Variants in PCDH1 observed in about 807,000 individuals in gnomAD.
PCDH1 encodes protocadherin 1.
A neutral mutation model predicts 74.6 loss-of-function variants in PCDH1; 23 were observed. That is an observed-to-expected ratio of 0.31 (90% CI 0.22 to 0.44). The LOEUF is 0.44. Among genes scored for constraint, PCDH1 ranks in the 20% least tolerant of loss-of-function variants. The pLI is 1.00. For missense variants in PCDH1, 1,214 were observed against 1,641.4 expected, an observed-to-expected ratio of 0.74 and a Z score of 4.50; for synonymous variants, 647 against 686.1, an observed-to-expected ratio of 0.94 and a Z score of 0.89.
At position 141,863,490 on chromosome 5, in the gene PCDH1, C is replaced by G. The variant is rs763361262; in HGVS notation, c.2841G>C (p.Gly947=). 2.5e-6 allele frequency: 4 copies of G among 1,609,544 alleles called. No individual in the cohort carries two copies. Among genetic ancestry groups the G allele is most frequent in the East Asian group, 4.5e-5 (2 of 44,818 alleles). The part of the protein sequence containing the change: ...LKFNLMSDAP[G]DSPRIHLPLN... ...GGGGCAGGTGGATGCGGGGACTGTC[C>G]CCAGGGGCATCGCTCATCAGGTTGA... Residue 947 remains glycine, a synonymous_variant, in exon 3 of 5, where the codon GGG becomes GGC. Transcript: ENST00000287008. This position sits in a 1 kb window ranked among gnomAD's most constrained non-coding sequence, Gnocchi z 7.5.
intron 3 of PCDH1, among the ~76,000 whole-genome samples, chr5:141,860,895 C>T (rs1039647879): frequency 1.3e-5 from 2 of 152,020 alleles, no homozygotes; most frequent in Admixed American, 6.6e-5. Flanking sequence ...GCGGGCAGAT[C>T]GCCTGAGGTC....
At chr5:141,856,405 G>A in intron 4 of PCDH1, 1 of 801,728 alleles carries the variant, frequency 1.2e-6, no homozygotes, top group Non-Finnish European at 2.1e-6. Flanking sequence ...GCCTGAGGCA[G>A]GGGAGTGAAA....
intron 3 of PCDH1, among the ~76,000 whole-genome samples, chr5:141,859,773 C>A (rs1468768303): frequency 1.3e-5 from 2 of 152,158 alleles, no homozygotes; most frequent in Non-Finnish European, 2.9e-5. Flanking sequence ...GAGGTTCAGT[C>A]CTGTACCTTC....
intron 1 of PCDH1, among the ~76,000 whole-genome samples, chr5:141,873,613 AT>A (rs34468568): frequency 0.01 from 1,274 of 122,508 alleles, 10 homozygotes; most frequent in East Asian, 0.082. Context: ...TGCCCAGCTA[AT>A]TTTTTTTTTT....
chr5:141,871,177 C>A (rs1385142622), intron 1 of PCDH1, among the ~76,000 whole-genome samples: 1 of 152,252 alleles, frequency 6.6e-6, no homozygotes, highest in Non-Finnish European at 1.5e-5. Context: ...GTACTCTGTA[C>A]ACTCACTCAT....
At chr5:141,866,229 T>A (rs935137277) in intron 2 of PCDH1, 12 of 985,400 alleles carry the variant, frequency 1.2e-5, no homozygotes, top group Non-Finnish European at 1.4e-5. Context: ...TGGCACCGGC[T>A]GGCGAGGCAC....
chr5:141,863,480 G>C lies in PCDH1; in HGVS notation c.2851C>G (p.Arg951Gly), dbSNP rs747740639. The C allele has an allele frequency of 2.6e-5, 41 of 1,600,796 alleles. No individual in the cohort carries two copies. Among genetic ancestry groups the C allele is most frequent in the Non-Finnish European group, 2.1e-5 (25 of 1,173,010 alleles). Residue 951 changes from arginine (R) to glycine (G), a missense_variant, in exon 3 of 5, where the codon CGC (arginine) becomes GGC (glycine). Physicochemically the swap from Arg to Gly is moderately radical, Grantham distance 125. Around this residue, in one of 4 missense-constraint regions of PCDH1, gnomAD observed 836 missense variants for 1,182.2 expected, o/e 0.71. Coordinates refer to ENST00000287008, the MANE Select transcript of PCDH1 (RefSeq NM_032420.5). This position sits in a 1 kb window ranked among gnomAD's most constrained non-coding sequence, Gnocchi z 7.5. ...GGGTAGTTGAGGGGCAGGTGGATGCGGGGACTGTCCCCAGGGGCATCGCTC... is the reference window on the plus strand; with the variant it reads ...GGGTAGTTGAGGGGCAGGTGGATGCCGGGACTGTCCCCAGGGGCATCGCTC... Reference protein sequence around the residue: ...LMSDAPGDSPRIHLPLNYPPG... With the variant: ...LMSDAPGDSPGIHLPLNYPPG...
Position 141,868,808 on chromosome 5 carries a change from C to T in PCDH1, c.664G>A (p.Ala222Thr). The T allele has an allele frequency of 6.2e-7, 1 of 1,614,234 alleles. No homozygotes were observed. The highest frequency in any genetic ancestry group is 8.5e-7 in the Non-Finnish European group (1 of 1,180,042). The change falls in exon 2 of 5, where the codon GCA (alanine) becomes ACA (threonine). Residue 222 changes from alanine to threonine, a missense_variant. Physicochemically the swap from Ala to Thr is moderately conservative, Grantham distance 58 (BLOSUM62 0). Coordinates refer to ENST00000287008, the MANE Select transcript of PCDH1 (RefSeq NM_032420.5). The surrounding 1 kb of genome is among the most constrained non-coding windows in gnomAD (Gnocchi z 4.8). ...EAQELFGLQV[A>T]EDQEEKQPQL... ...GGTTGCTTCTCCTCCTGGTCCTCTG[C>T]CACCTGCAGCCCAAATAGCTCCTGG... is the stretch of plus-strand genomic sequence containing the variant.
At position 141,863,457 on chromosome 5, in the gene PCDH1, G is replaced by A; in HGVS notation, c.2874C>T (p.Tyr958=). 6.3e-7 allele frequency: 1 copy of A among 1,579,108 alleles called. No individual in the cohort carries two copies. The highest frequency in any genetic ancestry group is 8.6e-7 in the Non-Finnish European group (1 of 1,161,704). The change falls in exon 3 of 5, where the codon TAC becomes TAT. Residue 958 remains tyrosine (Y), a synonymous_variant. Coordinates refer to ENST00000287008, the MANE Select transcript of PCDH1 (RefSeq NM_032420.5). The surrounding 1 kb of genome is among the most constrained non-coding windows in gnomAD (Gnocchi z 7.5). ...GGCCCAGGTCAGGGCTGCCTGGTGGGTAGTTGAGGGGCAGGTGGATGCGGG... is the reference window on the plus strand; with the variant it reads ...GGCCCAGGTCAGGGCTGCCTGGTGGATAGTTGAGGGGCAGGTGGATGCGGG... ...DSPRIHLPLN[Y]PPGSPDLGRH... is the part of the protein sequence containing the mutation.
rs1223940786 is a variant in PCDH1 at position 141,865,451 on chromosome 5, A to G, written c.904-24T>C. The stretch of plus-strand genomic sequence containing the variant: ...ACCTATAGGGCAGGAGAGAAAAACA[A>G]GGAGAACAGAGATGGTTTAGATCAG... On this transcript the variant is annotated intron_variant, in intron 2 of 4. Transcript: ENST00000287008. This position sits in a 1 kb window ranked among gnomAD's most constrained non-coding sequence, Gnocchi z 4.4. 1 of 1,600,802 alleles carries G rather than the reference A, an allele frequency of 6.2e-7. No homozygotes were observed. The highest frequency in any genetic ancestry group is 1.1e-5 in the South Asian group (1 of 90,358).
chr5:141,854,165 A>G lies in PCDH1; in HGVS notation c.3591T>C (p.Ser1197=). The change falls in exon 5 of 5, where the codon AGT becomes AGC. Residue 1197 remains serine (S), a synonymous_variant. Coordinates refer to ENST00000287008, the MANE Select transcript of PCDH1 (RefSeq NM_032420.5). ...CCGAGTCCTTGCAGGAATCATGGCT[A>G]CTGTGGGAGAAGGCACTGTAGGAGG... ...LLPSYSAFSH[S]SHDSCKDSAT... is the part of the protein sequence containing the mutation. 1 of 1,605,452 alleles carries G rather than the reference A, an allele frequency of 6.2e-7. No individual in the cohort carries two copies. Among genetic ancestry groups the G allele is most frequent in the South Asian group, 1.1e-5 (1 of 90,480 alleles).
At chr5:141,856,704 C>T (rs1328022766) in intron 4 of PCDH1, among the ~76,000 whole-genome samples, 2 of 152,108 alleles carry the variant, frequency 1.3e-5, no homozygotes, top group Non-Finnish European at 2.9e-5. Context: ...CCTCCTACCG[C>T]GCTCTTCCTC....
chr5:141,865,572 T>C lies in PCDH1; in HGVS notation c.904-145A>G. The C allele has an allele frequency of 1.1e-6, 1 of 947,240 alleles. No individual in the cohort carries two copies. The highest frequency in any genetic ancestry group is 1.6e-5 in the South Asian group (1 of 62,892). The allele number at this position is 947,240 out of a possible 1,614,324, so 58.7% of individuals were successfully genotyped here. A position where few individuals can be genotyped will look rare whatever the true frequency, so the allele number is the denominator to read the frequency against. On this transcript the variant is annotated intron_variant, in intron 2 of 4. Transcript: ENST00000287008. The surrounding 1 kb of genome is among the most constrained non-coding windows in gnomAD (Gnocchi z 4.4). The stretch of plus-strand genomic sequence containing the variant: ...AACATCGCTCCCTTTCCAGAAGCCA[T>C]GTGTGTCCTGCCTTTTCCCAATTCG...
At chr5:141,861,803 C>T (rs761229065) in intron 3 of PCDH1, among the ~76,000 whole-genome samples, 12 of 151,664 alleles carry the variant, frequency 7.9e-5, no homozygotes, top group Non-Finnish European at 1.6e-4. Flanking sequence ...TAGCCTTCCT[C>T]CAACTCAGGC....
chr5:141,868,778 G>T lies in PCDH1; in HGVS notation c.694C>A (p.Leu232Ile). The change falls in exon 2 of 5, where the codon CTC (leucine) becomes ATC (isoleucine). Residue 232 changes from leucine to isoleucine, a missense_variant. By Grantham distance (5) the Leu-to-Ile change is conservative. Coordinates refer to ENST00000287008, the MANE Select transcript of PCDH1 (RefSeq NM_032420.5). This position sits in a 1 kb window ranked among gnomAD's most constrained non-coding sequence, Gnocchi z 4.8. Reference protein sequence around the residue: ...AEDQEEKQPQLIVMGNLDRER... With the variant: ...AEDQEEKQPQIIVMGNLDRER... Reference sequence around the variant, plus strand: ...CGGTCCAGGTTGCCCATCACAATGAGCTGTGGTTGCTTCTCCTCCTGGTCC... The same window carrying T: ...CGGTCCAGGTTGCCCATCACAATGATCTGTGGTTGCTTCTCCTCCTGGTCC... The T allele has an allele frequency of 1.3e-5, 21 of 1,614,234 alleles. No individual in the cohort carries two copies. Among genetic ancestry groups the T allele is most frequent in the Non-Finnish European group, 1.8e-5 (21 of 1,180,038 alleles).
In PCDH1 at chr5:141,864,262, C is replaced by G. The variant is rs1317035429; in HGVS notation, c.2069G>C (p.Gly690Ala). 1 of 1,612,328 alleles carries G rather than the reference C, an allele frequency of 6.2e-7. No homozygotes were observed. Among genetic ancestry groups the G allele is most frequent in the Non-Finnish European group, 8.5e-7 (1 of 1,178,624 alleles). Residue 690 changes from glycine (G) to alanine (A), a missense_variant, in exon 3 of 5, where the codon GGT (glycine) becomes GCT (alanine). Transcript: ENST00000287008. The surrounding 1 kb of genome is among the most constrained non-coding windows in gnomAD (Gnocchi z 5.9). Reference protein sequence around the residue: ...TYTFQLKAVDGGVPPRSAYVG... With the variant: ...TYTFQLKAVDAGVPPRSAYVG... ...GTAAGCTGAGCGAGGTGGGACGCCA[C>G]CATCCACTGCCTTCAGCTGGAAGGT...
rs377204393 is a variant in PCDH1, at chr5:141,863,050, C to T, written c.3099+182G>A. 5.3e-6 allele frequency: 7 copies of T among 1,330,204 alleles called. No homozygotes were observed. The highest frequency in any genetic ancestry group is 3.4e-5 in the Admixed American group (1 of 29,178). 82.4% of individuals were successfully genotyped at this position (1,330,204 alleles called of 1,614,324 possible). ...AGCACACCCTCCCTTAATCTTCACT[C>T]AGCCTAATCCGTGTGCCCGGTGAGG... On this transcript the variant is annotated intron_variant, in intron 3 of 4. Transcript: ENST00000287008. This position sits in a 1 kb window ranked among gnomAD's most constrained non-coding sequence, Gnocchi z 7.5.
intron 1 of PCDH1, among the ~76,000 whole-genome samples, chr5:141,877,329 C>G (rs1753266371): frequency 6.6e-6 from 1 of 152,104 alleles, no homozygotes; most frequent in South Asian, 2.1e-4. Flanking sequence ...TGCCATCAAG[C>G]GTGTGCTGAG....
intron 2 of PCDH1, chr5:141,866,307 TGGCA>T: frequency 1.2e-6 from 1 of 865,234 alleles, no homozygotes; most frequent in Non-Finnish European, 1.4e-6. Context: ...CAGAGCCTGC[TGGCA>T]GTGGGCTGGG....
Sources: gnomAD v4.1 joint callset for allele counts (sites outside exome capture counted in the v4.1 genomes callset) on GRCh38, gnomAD v4.1.1 for gene constraint, gnomAD v4.1.1 regional missense constraint, Gnocchi (gnomAD v3.1) non-coding constraint, MANE v1.5 for transcripts, NCBI Gene and HGNC (gene_info 2026-07-23, HGNC 2026-07-21) for gene names.